The following CPE variants were observed in gnomAD, a reference collection of about 807,000 sequenced individuals.
CPE encodes carboxypeptidase E, also known as carbocypeptidase E.
CPE carries 17 observed loss-of-function variants against 53.5 expected under a neutral mutation model. That is an observed-to-expected ratio of 0.32 (90% CI 0.22 to 0.48). CPE has a LOEUF of 0.48. Among genes scored for constraint, CPE ranks in the 20% least tolerant of loss-of-function variants. The pLI, the probability that CPE is intolerant of heterozygous loss-of-function variation, is 0.99. For synonymous variants in CPE, 226 were observed against 228.8 expected (o/e 0.99, Z 0.11); for missense variants, 524 against 614.7 (o/e 0.85, Z 1.56).
At chr4:165,399,778 G>A (rs1188832013) in intron 1 of CPE, among the ~76,000 whole-genome samples, 2 of 152,226 alleles carry the variant, frequency 1.3e-5, no homozygotes, top group African/African-American at 2.4e-5. Flanking sequence ...AATACAAAGC[G>A]AAGTTTGAGA....
chr4:165,422,931 G>A (rs1731249696), intron 1 of CPE, among the ~76,000 whole-genome samples: 1 of 148,098 alleles, frequency 6.8e-6, no homozygotes, highest in South Asian at 2.1e-4. Context: ...GAGCCGAGAT[G>A]GTGCCACTGC....
intron 1 of CPE, among the ~76,000 whole-genome samples, chr4:165,435,389 A>G (rs1269077682): frequency 4.6e-5 from 7 of 152,218 alleles, no homozygotes; most frequent in Non-Finnish European, 2.9e-5. Flanking sequence ...GCAAAAGAAG[A>G]AGAGATGAAA....
At chr4:165,437,713 C>T (rs962676223) in intron 1 of CPE, among the ~76,000 whole-genome samples, 18 of 152,124 alleles carry the variant, frequency 1.2e-4, no homozygotes, top group Admixed American at 9.8e-4. Flanking sequence ...AGACAGTCAG[C>T]CAATCTGGGA....
intron 1 of CPE, chr4:165,404,374 C>A: frequency 1.3e-6 from 1 of 768,030 alleles, no homozygotes; most frequent in Non-Finnish European, 2.4e-6. Flanking sequence ...ACTTAGGAGG[C>A]ATCTTCAGAC....
chr4:165,435,669 T>C (rs36071066), intron 1 of CPE, among the ~76,000 whole-genome samples: 55,946 of 151,902 alleles, frequency 0.37, 10,513 homozygotes, highest in Middle Eastern at 0.47. Flanking sequence ...TACACATAAA[T>C]TTGAACATGT....
chr4:165,495,649 T>C lies in CPE; in HGVS notation c.1304T>C (p.Val435Ala). Reference sequence around the variant, plus strand: ...GGCTATCTGGCAATAACAAAGAAAGTGGCAGTTCCTTACAGCCCTGCTGCT... The same window carrying C: ...GGCTATCTGGCAATAACAAAGAAAGCGGCAGTTCCTTACAGCCCTGCTGCT... ...APGYLAITKKVAVPYSPAAGV... is the reference protein window; with the variant it reads ...APGYLAITKKAAVPYSPAAGV... Residue 435 changes from valine (V) to alanine (A), a missense_variant, in exon 8 of 9, where the codon GTG (valine) becomes GCG (alanine). Transcript: ENST00000402744. 1 of 1,613,624 alleles carries C rather than the reference T, an allele frequency of 6.2e-7. No individual in the cohort carries two copies. The highest frequency in any genetic ancestry group is 8.5e-7 in the Non-Finnish European group (1 of 1,179,714).
chr4:165,462,429 A>G (rs930706659), intron 1 of CPE, among the ~76,000 whole-genome samples: 4 of 152,092 alleles, frequency 2.6e-5, no homozygotes, highest in African/African-American at 9.7e-5. Flanking sequence ...TGAAGCTTCA[A>G]AGTTGTTTTG....
At chr4:165,452,746 T>C (rs2126693119) in intron 1 of CPE, among the ~76,000 whole-genome samples, 1 of 152,296 alleles carries the variant, frequency 6.6e-6, no homozygotes, top group Middle Eastern at 3.4e-3. Flanking sequence ...GCTGGCATCA[T>C]TGCATCCCTC....
intron 1 of CPE, among the ~76,000 whole-genome samples, chr4:165,439,334 A>T (rs1212347040): frequency 6.6e-6 from 1 of 152,156 alleles, no homozygotes; most frequent in Non-Finnish European, 1.5e-5. Context: ...TGAAAGAGAA[A>T]TGGATAAGGT....
chr4:165,455,027 C>T (rs1270655896), intron 1 of CPE, among the ~76,000 whole-genome samples: 1 of 152,164 alleles, frequency 6.6e-6, no homozygotes, highest in Non-Finnish European at 1.5e-5. Flanking sequence ...CAAATCCTTC[C>T]CCACATAACT....
chr4:165,463,220 C>T (rs532126412), intron 1 of CPE, among the ~76,000 whole-genome samples: 21 of 152,170 alleles, frequency 1.4e-4, no homozygotes, highest in Admixed American at 9.8e-4. Context: ...AAATACATGC[C>T]TTACACATTT....
intron 5 of CPE, among the ~76,000 whole-genome samples, chr4:165,486,809 A>G (rs1464739316): frequency 2.6e-5 from 4 of 152,202 alleles, no homozygotes; most frequent in Admixed American, 1.3e-4. Context: ...GTGCTTATCA[A>G]TATCCCACCC....
rs776399312 is a variant in CPE, at chr4:165,493,218, A to C, written c.1161A>C (p.Pro387=). The change falls in exon 7 of 9, where the codon CCA becomes CCC. Residue 387 remains proline (P), a synonymous_variant. Coordinates refer to ENST00000402744, the MANE Select transcript of CPE (RefSeq NM_001873.4). ...TTGTCCGAGACCTTCAAGGTAACCC[A>C]ATTGCGAATGCCACCATCTCCGTGG... is the stretch of plus-strand genomic sequence containing the variant. ...KGFVRDLQGN[P]IANATISVEG... 6.2e-7 allele frequency: 1 copy of C among 1,614,152 alleles called. No homozygotes were observed. The highest frequency in any genetic ancestry group is 8.5e-7 in the Non-Finnish European group (1 of 1,179,984).
At chr4:165,462,178 G>A (rs1732019205) in intron 1 of CPE, among the ~76,000 whole-genome samples, 1 of 152,202 alleles carries the variant, frequency 6.6e-6, no homozygotes. Flanking sequence ...GAGTAAAGCA[G>A]CAGTAGGGAA....
chr4:165,461,032 T>G (rs1731988718), intron 1 of CPE, among the ~76,000 whole-genome samples: 1 of 150,888 alleles, frequency 6.6e-6, no homozygotes, highest in South Asian at 2.1e-4. Context: ...TTGGGCATGG[T>G]GGTGCACACC....
At chr4:165,394,351 A>G (rs530223780) in intron 1 of CPE, among the ~76,000 whole-genome samples, 2 of 152,166 alleles carry the variant, frequency 1.3e-5, no homozygotes, top group Non-Finnish European at 2.9e-5. Flanking sequence ...GCTTCTGTGA[A>G]TAGATTCAAG....
chr4:165,455,842 AG>A (rs1731892274), intron 1 of CPE, among the ~76,000 whole-genome samples: 1 of 152,032 alleles, frequency 6.6e-6, no homozygotes, highest in African/African-American at 2.4e-5. Context: ...TAGTAGAGAC[AG>A]GGTTTCACCA....
chr4:165,487,469 C>T lies in CPE; in HGVS notation c.1005C>T (p.Asn335=). ...AAGACTTCAATTACCTTAGCAGCAA[C>T]TGTTTTGAGATCACCGTGGAGCTTA... The part of the protein sequence containing the change: ...GMQDFNYLSS[N]CFEITVELSC... Residue 335 remains asparagine (N), a synonymous_variant, in exon 6 of 9, where the codon AAC becomes AAT. Coordinates refer to ENST00000402744, the MANE Select transcript of CPE (RefSeq NM_001873.4). The T allele has an allele frequency of 6.2e-7, 1 of 1,614,106 alleles. No homozygotes were observed. The highest frequency in any genetic ancestry group is 1.1e-5 in the South Asian group (1 of 91,084).
chr4:165,452,054 G>A (rs562743491), intron 1 of CPE, among the ~76,000 whole-genome samples: 1 of 151,778 alleles, frequency 6.6e-6, no homozygotes, highest in Non-Finnish European at 1.5e-5. Flanking sequence ...GCCTGTGTAG[G>A]CCCAGAGAGA....
Sources: allele counts gnomAD v4.1 joint callset (sites outside exome capture counted in the v4.1 genomes callset), GRCh38; gene constraint gnomAD v4.1.1; transcripts MANE v1.5; gene names NCBI Gene and HGNC (gene_info 2026-07-23, HGNC 2026-07-21).